MTCL2: variants seen among roughly 807,000 people sequenced by gnomAD.
MTCL2 encodes microtubule crosslinking factor 2.
At chr20:36,780,355 A>T in the MTCL2 span, 3 of 152,042 alleles carry the variant, frequency 2.0e-5, no homozygotes, top group African/African-American at 7.2e-5. Context: ...TCAGTTTAGG[A>T]TGATGAAAAA....
the MTCL2 span, among the ~76,000 whole-genome samples, chr20:36,841,798 A>C: frequency 6.6e-6 from 1 of 151,714 alleles, no homozygotes; most frequent in East Asian, 1.9e-4. Context: ...TCCCAGGCTC[A>C]AGCCACCCTC....
the MTCL2 span, among the ~76,000 whole-genome samples, chr20:36,838,213 G>C: frequency 5.9e-5 from 9 of 152,088 alleles, no homozygotes; most frequent in African/African-American, 2.2e-4. Flanking sequence ...ACCACACCTG[G>C]CTAATTTTTT....
At chr20:36,830,023 G>A in the MTCL2 span, among the ~76,000 whole-genome samples, 2 of 151,640 alleles carry the variant, frequency 1.3e-5, no homozygotes, top group South Asian at 2.1e-4. Context: ...AAAAAGAAAC[G>A]GGGTCTCACT....
the MTCL2 span, among the ~76,000 whole-genome samples, chr20:36,859,405 T>C: frequency 6.6e-6 from 1 of 152,220 alleles, no homozygotes. Context: ...ACCTTCAGAC[T>C]TCCTTGGCTA....
chr20:36,797,504 C>T, the MTCL2 span: 1 of 1,553,856 alleles, frequency 6.4e-7, no homozygotes. Context: ...CCACTCACCT[C>T]CTTCCAGCTG....
the MTCL2 span, among the ~76,000 whole-genome samples, chr20:36,811,909 C>T: frequency 7.2e-5 from 11 of 152,170 alleles, no homozygotes; most frequent in Non-Finnish European, 1.6e-4. Flanking sequence ...CCACCCAGTC[C>T]GTAGGAGCCT....
the MTCL2 span, among the ~76,000 whole-genome samples, chr20:36,810,717 C>CCTCTCTCTCTCTTT: frequency 2.1e-5 from 2 of 94,270 alleles, no homozygotes; most frequent in Non-Finnish European, 4.2e-5. Context: ...TCTCTCTCTC[C>CCTCTCTCTCTCTTT]CTCTCTCTCT....
the MTCL2 span, among the ~76,000 whole-genome samples, chr20:36,813,313 TAAA>T: frequency 2.4e-5 from 1 of 41,900 alleles, no homozygotes; most frequent in Non-Finnish European, 3.7e-5. Context: ...ACTGTTTCTT[TAAA>T]AAAAAAAAAA....
At chr20:36,861,541 A>C in the MTCL2 span, among the ~76,000 whole-genome samples, 32 of 142,946 alleles carry the variant, frequency 2.2e-4, no homozygotes, top group Non-Finnish European at 4.6e-4. Context: ...AAGAGCCACA[A>C]GGAAAAGTTA....
the MTCL2 span, among the ~76,000 whole-genome samples, chr20:36,817,159 C>T: frequency 4.0e-5 from 6 of 148,318 alleles, no homozygotes; most frequent in South Asian, 8.6e-4. Flanking sequence ...CCCAGCTACT[C>T]GGGAGGCTGA....
the MTCL2 span, chr20:36,808,879 G>A: frequency 4.2e-6 from 3 of 708,500 alleles, no homozygotes; most frequent in South Asian, 1.9e-5. Context: ...CCCACCACAC[G>A]TGGCGCAATC....
the MTCL2 span, among the ~76,000 whole-genome samples, chr20:36,853,254 A>G: frequency 4.1e-4 from 63 of 152,110 alleles, no homozygotes; most frequent in East Asian, 7.6e-3. Flanking sequence ...AAGAAATGAG[A>G]TGCTCCCTGT....
chr20:36,843,118 G>A, the MTCL2 span, among the ~76,000 whole-genome samples: 3 of 152,182 alleles, frequency 2.0e-5, no homozygotes, highest in South Asian at 2.1e-4. Context: ...CCACACCCTC[G>A]CTGGGGCTGG....
At chr20:36,802,550 C>T in the MTCL2 span, among the ~76,000 whole-genome samples, 1 of 152,050 alleles carries the variant, frequency 6.6e-6, no homozygotes, top group Non-Finnish European at 1.5e-5. Context: ...GGCCAATCCA[C>T]TGTACTTGCT....
the MTCL2 span, among the ~76,000 whole-genome samples, chr20:36,848,881 G>A: frequency 6.6e-6 from 1 of 151,902 alleles, no homozygotes; most frequent in East Asian, 1.9e-4. Context: ...AAAATCACAG[G>A]TATTTTCATA....
At chr20:36,856,517 G>A in the MTCL2 span, among the ~76,000 whole-genome samples, 2 of 152,360 alleles carry the variant, frequency 1.3e-5, no homozygotes, top group East Asian at 3.9e-4. Context: ...TTCTTCTGTG[G>A]GCAGCTCGAC....
chr20:36,792,897 C>CAGACAGAT, the MTCL2 span, among the ~76,000 whole-genome samples: 1 of 142,938 alleles, frequency 7.0e-6, no homozygotes, highest in Admixed American at 7.1e-5. Context: ...GACAGACAGA[C>CAGACAGAT]AGATAGATAA....
At chr20:36,796,895 T>A in the MTCL2 span, 10 of 1,613,934 alleles carry the variant, frequency 6.2e-6, no homozygotes, top group Non-Finnish European at 8.5e-6. Context: ...TTTAAACCAT[T>A]TCCTCCAAGC....
the MTCL2 span, chr20:36,805,823 A>C: frequency 1.3e-6 from 2 of 1,565,712 alleles, no homozygotes; most frequent in Non-Finnish European, 1.7e-6. Flanking sequence ...GAATGGACAC[A>C]ACAGGACCGG....
Sources: gnomAD v4.1 joint callset for allele counts (sites outside exome capture counted in the v4.1 genomes callset) on GRCh38, gnomAD v4.1.1 for gene constraint, MANE v1.5 for transcripts, NCBI Gene and HGNC (gene_info 2026-07-23, HGNC 2026-07-21) for gene names.